The following PDE8A variants were observed in gnomAD, a reference collection of about 807,000 sequenced individuals.
PDE8A encodes high affinity cAMP-specific and IBMX-insensitive 3',5'-cyclic phosphodiesterase 8A.
Under a neutral mutation model 105.0 loss-of-function variants are expected in PDE8A, and 59 were observed. The observed-to-expected ratio is 0.56, with a 90% CI of 0.46 to 0.70. The LOEUF (loss-of-function observed/expected upper bound fraction) is 0.70, where lower values mean the gene tolerates loss of function less well. Among genes scored for constraint, PDE8A ranks in the 30% least tolerant of loss-of-function variants. PDE8A has a pLI of 0.00. For missense variants in PDE8A, 1,014 were observed against 1,045.9 expected (o/e 0.97, Z 0.42); for synonymous variants, 355 against 371.9 (o/e 0.95, Z 0.52).
intron 1 of PDE8A, among the ~76,000 whole-genome samples, chr15:84,984,939 A>G (rs966326511): frequency 2.6e-5 from 4 of 152,158 alleles, no homozygotes; most frequent in African/African-American, 7.2e-5. Context: ...AAAAAATCCA[A>G]AACACTTCTG....
chr15:85,032,642 C>G (rs1424772169), intron 1 of PDE8A, among the ~76,000 whole-genome samples: 1 of 152,048 alleles, frequency 6.6e-6, no homozygotes, highest in East Asian at 1.9e-4. Flanking sequence ...TCTTATGATA[C>G]TCTTAGTTAA....
intron 15 of PDE8A, 185 bp downstream of exon 15, chr15:85,115,672 G>C (rs1019782983): frequency 3.7e-6 from 2 of 545,972 alleles, no homozygotes; most frequent in South Asian, 5.1e-5. Flanking sequence ...GGCCGGGAGC[G>C]GTGGCTCACA....
intron 1 of PDE8A, among the ~76,000 whole-genome samples, chr15:85,055,031 C>T (rs1567253220): frequency 6.6e-6 from 1 of 152,126 alleles, no homozygotes; most frequent in Non-Finnish European, 1.5e-5. Flanking sequence ...TCGTTGGTTT[C>T]AAAGAACCTC....
intron 20 of PDE8A, among the ~76,000 whole-genome samples, chr15:85,135,086 C>T (rs893520747): frequency 3.9e-5 from 6 of 152,130 alleles, no homozygotes; most frequent in South Asian, 4.2e-4. Context: ...ACGTTCTGGG[C>T]GAGGTGCTGC....
In PDE8A at chr15:85,064,400, A is replaced by G. The variant is rs1169609348; in HGVS notation, c.217A>G (p.Met73Val). Residue 73 changes from methionine to valine, a missense_variant, in exon 2 of 22, where the codon ATG (methionine) becomes GTG (valine). Physicochemically the swap from Met to Val is conservative, Grantham distance 21. Transcript: ENST00000394553. ...VAVADVQFGP[M>V]RFHQDQLQVL... ...AGTAGCTGATGTGCAGTTTGGCCCC[A>G]TGAGATTTCATCAAGATCAACTTCA... is the stretch of plus-strand genomic sequence containing the variant. The G allele has an allele frequency of 6.2e-7, 1 of 1,610,022 alleles. No homozygotes were observed. Among genetic ancestry groups the G allele is most frequent in the Non-Finnish European group, 8.5e-7 (1 of 1,176,466 alleles).
chr15:85,024,264 C>A lies in PDE8A; in HGVS notation c.187-40106C>A, dbSNP rs115391689. On this transcript the variant is annotated intron_variant, in intron 1 of 21. Transcript: ENST00000394553. Reference sequence around the variant, plus strand: ...TGTCCTTCCCTCCCCTAGACCATAACTTCCTTGATGAAAGCAGGGACTGTA... The same window carrying A: ...TGTCCTTCCCTCCCCTAGACCATAAATTCCTTGATGAAAGCAGGGACTGTA... Among the ~76,000 whole-genome samples, 215 of 152,328 alleles carry A rather than the reference C, an allele frequency of 1.4e-3. 1 individual carries two copies. The highest frequency in any genetic ancestry group is 4.8e-3 in the African/African-American group (201 of 41,566).
chr15:85,111,554 CTGTT>C (rs1176706653), intron 12 of PDE8A, among the ~76,000 whole-genome samples: 2 of 152,160 alleles, frequency 1.3e-5, no homozygotes, highest in Non-Finnish European at 2.9e-5. Context: ...TTCCACTGTT[CTGTT>C]TGTTTACGCT....
chr15:85,031,639 T>C (rs1172391647), intron 1 of PDE8A, among the ~76,000 whole-genome samples: 4 of 152,126 alleles, frequency 2.6e-5, no homozygotes, highest in Admixed American at 6.5e-5. Flanking sequence ...GACTGACAAG[T>C]AGATTAACCT....
rs554117509 is a variant in PDE8A, at chr15:85,017,454, C to T, written c.186+35106C>T. Among the ~76,000 whole-genome samples the T allele has an allele frequency of 3.8e-5, 3 of 79,466 alleles. No individual in the cohort carries two copies. In the Admixed American group the frequency reaches 3.8e-4, roughly 10 times the overall value. 52.1% of individuals were successfully genotyped at this position (79,466 alleles called of 152,430 possible). A position where few individuals can be genotyped will look rare whatever the true frequency, so the allele number is the denominator to read the frequency against. ...GACCACTAATTGCAGTCTCTTATTGCATTGGATAGTATCTTTAATACAGTG... is the reference window on the plus strand; with the variant it reads ...GACCACTAATTGCAGTCTCTTATTGTATTGGATAGTATCTTTAATACAGTG... On this transcript the variant is annotated intron_variant, in intron 1 of 21. Transcript: ENST00000394553.
chr15:85,031,807 G>A (rs552308760), intron 1 of PDE8A, among the ~76,000 whole-genome samples: 1 of 152,148 alleles, frequency 6.6e-6, no homozygotes, highest in Non-Finnish European at 1.5e-5. Flanking sequence ...TAAATCGCTA[G>A]AGGCTGATTA....
At chr15:85,057,803 G>A (rs1234098286) in intron 1 of PDE8A, among the ~76,000 whole-genome samples, 1 of 152,082 alleles carries the variant, frequency 6.6e-6, no homozygotes, top group African/African-American at 2.4e-5. Flanking sequence ...TAATGAATGA[G>A]GCTTTTGTCC....
In PDE8A at chr15:85,005,312, C is replaced by T. The variant is rs534295547; in HGVS notation, c.186+22964C>T. ...TAATTTTTTTGTAGAGAAAGGTTCT[C>T]ACTATATTGCCCAGGCTGGTCTTGA... On this transcript the variant is annotated intron_variant, in intron 1 of 21. Coordinates refer to ENST00000394553, the MANE Select transcript of PDE8A (RefSeq NM_002605.3). Among the ~76,000 whole-genome samples, 7 of 152,180 alleles carry T rather than the reference C, an allele frequency of 4.6e-5. No individual in the cohort carries two copies. In the South Asian group the frequency reaches 1.5e-3, roughly 32 times the overall value.
At chr15:85,100,654 T>C (rs2081847050) in intron 11 of PDE8A, among the ~76,000 whole-genome samples, 1 of 152,230 alleles carries the variant, frequency 6.6e-6, no homozygotes, top group Admixed American at 6.5e-5. Flanking sequence ...TTCTTCCCCA[T>C]AGCTTTCTTA....
At chr15:85,130,280 A>G (rs968276173) in intron 20 of PDE8A, among the ~76,000 whole-genome samples, 4 of 152,222 alleles carry the variant, frequency 2.6e-5, no homozygotes, top group South Asian at 2.1e-4. Flanking sequence ...CCCCACCTCC[A>G]GCACTGGGGA....
At chr15:85,132,293 C>G (rs138450971) in intron 20 of PDE8A, among the ~76,000 whole-genome samples, 33 of 152,058 alleles carry the variant, frequency 2.2e-4, no homozygotes, top group Admixed American at 4.6e-4. Context: ...AATCTCTGTC[C>G]TTCTCTTCTC....
intron 20 of PDE8A, among the ~76,000 whole-genome samples, 142 bp from the exon 21 acceptor site, chr15:85,136,374 TGTTATGAGACATGGTTTG>T (rs2082409507): frequency 6.6e-6 from 1 of 152,194 alleles, no homozygotes; most frequent in Non-Finnish European, 1.5e-5. Context: ...ACTTGGTATC[TGTTATGAGACATGGTTTG>T]GCTGCGTGAG....
Position 85,135,396 on chromosome 15 carries a change from C to G in PDE8A, c.2254-1138C>G, listed in dbSNP as rs74027418. Among the ~76,000 whole-genome samples the G allele has an allele frequency of 5.5e-3, 839 of 152,290 alleles. 3 individuals are homozygous for G. Among genetic ancestry groups the G allele is most frequent in the African/African-American group, 0.017 (698 of 41,550 alleles). ...CCCCAGAGGGCTGGCTCTACCCCCT[C>G]CAGCCCTGGCACTGGGGAGAAAGGC... is the stretch of plus-strand genomic sequence containing the variant. On this transcript the variant is annotated intron_variant, in intron 20 of 21. Coordinates refer to ENST00000394553, the MANE Select transcript of PDE8A (RefSeq NM_002605.3).
chr15:85,004,796 A>G (rs1567224151), intron 1 of PDE8A, among the ~76,000 whole-genome samples: 1 of 149,502 alleles, frequency 6.7e-6, no homozygotes, highest in Non-Finnish European at 1.5e-5. Flanking sequence ...TCTTAGTTTC[A>G]CTTCCCCATT....
chr15:85,062,236 C>G (rs1192151342), intron 1 of PDE8A, among the ~76,000 whole-genome samples: 2 of 151,532 alleles, frequency 1.3e-5, no homozygotes, highest in East Asian at 3.9e-4. Context: ...TCCGTCTTCC[C>G]CAGGATTTGC....
Sources: allele counts gnomAD v4.1 joint callset (sites outside exome capture counted in the v4.1 genomes callset), GRCh38; gene constraint gnomAD v4.1.1; transcripts MANE v1.5; gene names NCBI Gene and HGNC (gene_info 2026-07-23, HGNC 2026-07-21).